The following MTHFD1L variants were observed in gnomAD, a reference collection of about 807,000 sequenced individuals.
MTHFD1L encodes the protein methylenetetrahydrofolate dehydrogenase (NADP+ dependent) 1 like.
A neutral mutation model predicts 119.5 loss-of-function variants in MTHFD1L; 81 were observed. The observed-to-expected ratio is 0.68, with a 90% confidence interval of 0.57 to 0.82. The LOEUF (loss-of-function observed/expected upper bound fraction) is 0.82. Among genes scored for constraint, MTHFD1L ranks in the 40% least tolerant of loss-of-function variants. The probability of loss-of-function intolerance (pLI) is 0.00; values close to 1 mark genes in which losing one functional copy is unlikely to be tolerated. For missense variants in MTHFD1L, 1,125 were observed against 1,253.4 expected, an observed-to-expected ratio of 0.90 and a Z score of 1.55; for synonymous variants, 430 against 475.2, an observed-to-expected ratio of 0.90 and a Z score of 1.24.
At chr6:150,994,286 C>T (rs1321214016) in intron 20 of MTHFD1L, among the ~76,000 whole-genome samples, 5 of 152,030 alleles carry the variant, frequency 3.3e-5, no homozygotes, top group Non-Finnish European at 7.4e-5. Context: ...GAAAGGCATA[C>T]CCCCTTTTCA....
intron 24 of MTHFD1L, among the ~76,000 whole-genome samples, chr6:151,019,312 A>G (rs1458603164): frequency 6.6e-6 from 1 of 151,172 alleles, no homozygotes; most frequent in African/African-American, 2.4e-5. Flanking sequence ...ATGATTTCAC[A>G]AAGTGCGGCT....
rs146959229 is a variant in MTHFD1L, at chr6:151,047,907, G to T, written c.2847+10790G>T. On this transcript the variant is annotated intron_variant, in intron 26 of 27. Transcript: ENST00000367321. ...TACAGGCTATACGGGAAGCATGGCT[G>T]GGGAGGCCTCAGGAAACTTACAATC... Among the ~76,000 whole-genome samples the T allele has an allele frequency of 8.5e-5, 13 of 152,254 alleles. No individual in the cohort carries two copies. The East Asian group carries it at 2.5e-3, about 29-fold the overall frequency.
chr6:151,093,440 C>T (rs6932745), intron 27 of MTHFD1L, among the ~76,000 whole-genome samples: 4,674 of 152,084 alleles, frequency 0.031, 209 homozygotes, highest in South Asian at 0.11. Flanking sequence ...GGGTGGATCA[C>T]GAAGTCAGGA....
chr6:151,076,893 A>G (rs78888580), intron 26 of MTHFD1L, among the ~76,000 whole-genome samples: 3,485 of 152,356 alleles, frequency 0.023, 61 homozygotes, highest in Non-Finnish European at 0.036. Flanking sequence ...TGTTCGTAGC[A>G]GCTTTTTTGT....
intron 17 of MTHFD1L, among the ~76,000 whole-genome samples, chr6:150,956,703 T>C (rs1170329989): frequency 6.6e-6 from 1 of 152,224 alleles, no homozygotes; most frequent in African/African-American, 2.4e-5. Flanking sequence ...GAATTGATTA[T>C]AAACTGTACA....
At chr6:151,005,238 T>C (rs563983841) in intron 20 of MTHFD1L, among the ~76,000 whole-genome samples, 10 of 152,222 alleles carry the variant, frequency 6.6e-5, no homozygotes, top group Admixed American at 3.3e-4. Flanking sequence ...AAGGCACAGA[T>C]ACACAGCACT....
chr6:150,905,757 G>A lies in MTHFD1L; in HGVS notation c.888G>A (p.Leu296=), dbSNP rs759538161. ...TTCTCAACTGCTCCCATGACTTCCT[G>A]TCAGGTAAATGTCTTCACATTGGTG... ...TTVLNCSHDF[L]SGKVGCGSPR... Residue 296 remains leucine, a synonymous_variant, in exon 8 of 28, where the codon CTG becomes CTA. Coordinates refer to ENST00000367321, the MANE Select transcript of MTHFD1L (RefSeq NM_015440.5). 2.7e-5 allele frequency: 43 copies of A among 1,610,266 alleles called. No homozygotes were observed. The highest frequency in any genetic ancestry group is 1.6e-4 in the Middle Eastern group (1 of 6,066).
chr6:150,974,366 C>T (rs532303128), intron 20 of MTHFD1L, among the ~76,000 whole-genome samples: 2 of 152,148 alleles, frequency 1.3e-5, no homozygotes, highest in Non-Finnish European at 2.9e-5. Context: ...ATGAAGGTTA[C>T]ATTTTCTTTT....
intron 24 of MTHFD1L, among the ~76,000 whole-genome samples, chr6:151,028,652 A>G (rs1784910019): frequency 6.6e-6 from 1 of 152,112 alleles, no homozygotes; most frequent in African/African-American, 2.4e-5. Context: ...GGCCAAGGGG[A>G]GGGGCATGGA....
chr6:150,922,139 G>A (rs868291062), intron 9 of MTHFD1L, 66 bp from the exon 10 acceptor site: 2 of 1,108,942 alleles, frequency 1.8e-6, no homozygotes, highest in South Asian at 1.4e-5. Context: ...ATATTTCCAT[G>A]GTTTAAGTGT....
chr6:151,005,996 C>G (rs1013034572), intron 20 of MTHFD1L, among the ~76,000 whole-genome samples: 1 of 152,238 alleles, frequency 6.6e-6, no homozygotes, highest in South Asian at 2.1e-4. Context: ...GAAGTGTGGC[C>G]TTGACATCAC....
chr6:151,087,483 A>G (rs78202861), intron 26 of MTHFD1L, among the ~76,000 whole-genome samples: 3,295 of 152,280 alleles, frequency 0.022, 106 homozygotes, highest in South Asian at 0.12. Flanking sequence ...TTTCTGAACC[A>G]AAATAAAATT....
At chr6:150,987,613 G>T (rs534082632) in intron 20 of MTHFD1L, among the ~76,000 whole-genome samples, 5 of 152,222 alleles carry the variant, frequency 3.3e-5, no homozygotes, top group Admixed American at 2.0e-4. Context: ...GGCAGCTAGC[G>T]CAAGGGGGAG....
At chr6:151,002,515 C>T (rs545237180) in intron 20 of MTHFD1L, among the ~76,000 whole-genome samples, 50 of 152,312 alleles carry the variant, frequency 3.3e-4, no homozygotes, top group African/African-American at 1.1e-3. Context: ...GCTGCCGCCG[C>T]CCATGCTGCC....
chr6:150,966,103 C>T (rs915041648), intron 19 of MTHFD1L, among the ~76,000 whole-genome samples: 2 of 152,160 alleles, frequency 1.3e-5, no homozygotes, highest in Middle Eastern at 3.2e-3. Context: ...CAATTTCAGA[C>T]AGCAAGAGCG....
chr6:151,024,825 T>A (rs967817667), intron 24 of MTHFD1L, among the ~76,000 whole-genome samples: 4 of 152,276 alleles, frequency 2.6e-5, no homozygotes, highest in East Asian at 1.9e-4. Context: ...TTTTTTTGTG[T>A]GTGTTTGTTT....
At position 151,049,233 on chromosome 6, in the gene MTHFD1L, A is replaced by T. The variant is rs138173875; in HGVS notation, c.2847+12116A>T. On this transcript the variant is annotated intron_variant, in intron 26 of 27. Coordinates refer to ENST00000367321, the MANE Select transcript of MTHFD1L (RefSeq NM_015440.5). ...TAGGCCGGGCACAGTGGCTGACGCCAGTAATCCCGGCACTTTGGGAGGCCG... is the reference window on the plus strand; with the variant it reads ...TAGGCCGGGCACAGTGGCTGACGCCTGTAATCCCGGCACTTTGGGAGGCCG... Among the ~76,000 whole-genome samples, 360 of 152,310 alleles carry T rather than the reference A, an allele frequency of 2.4e-3. 1 individual carries two copies. Among genetic ancestry groups the T allele is most frequent in the African/African-American group, 7.7e-3 (319 of 41,582 alleles).
intron 25 of MTHFD1L, among the ~76,000 whole-genome samples, chr6:151,036,480 C>T (rs1488076598): frequency 6.6e-6 from 1 of 152,118 alleles, no homozygotes; most frequent in Non-Finnish European, 1.5e-5. Flanking sequence ...CATCTTAGTT[C>T]TTATAATGTA....
rs544304786 is a variant in MTHFD1L at position 151,030,138 on chromosome 6, G to A, written c.2587-4355G>A. Reference sequence around the variant, plus strand: ...ACACTGACTCAACGTGTGCAGTACAGTGATGTATAGTGAAGTATTCACATC... The same window carrying A: ...ACACTGACTCAACGTGTGCAGTACAATGATGTATAGTGAAGTATTCACATC... On this transcript the variant is annotated intron_variant, in intron 24 of 27. Coordinates refer to ENST00000367321, the MANE Select transcript of MTHFD1L (RefSeq NM_015440.5). Among the ~76,000 whole-genome samples the A allele has an allele frequency of 2.0e-5, 3 of 152,330 alleles. No homozygotes were observed. In the South Asian group the frequency reaches 6.2e-4, roughly 32 times the overall value.
Sources: gnomAD v4.1 joint callset for allele counts (sites outside exome capture counted in the v4.1 genomes callset) on GRCh38, gnomAD v4.1.1 for gene constraint, MANE v1.5 for transcripts, NCBI Gene and HGNC (gene_info 2026-07-23, HGNC 2026-07-21) for gene names.